SLC25A30: variants seen among roughly 807,000 people sequenced by gnomAD.
SLC25A30 encodes solute carrier family 25 member 30.
In SLC25A30, 29 loss-of-function variants were observed where a neutral mutation model predicts 42.7. The ratio of observed to expected loss-of-function variants is 0.68; its 90% CI spans 0.51 to 0.93. SLC25A30 has a LOEUF of 0.93. Among genes scored for constraint, SLC25A30 ranks in the 40% least tolerant of loss-of-function variants. The probability of loss-of-function intolerance (pLI) is 0.00; values close to 1 mark genes in which losing one functional copy is unlikely to be tolerated. For synonymous variants in SLC25A30, 124 were observed against 131.0 expected (o/e 0.95, Z 0.37); for missense variants, 300 against 359.7 (o/e 0.83, Z 1.34).
At chr13:45,411,764 CAGCGGAAG>C in intron 1 of SLC25A30, 1 of 277,522 alleles carries the variant, frequency 3.6e-6, no homozygotes, top group Non-Finnish European at 7.1e-6. Context: ...CAGTGTAGTG[CAGCGGAAG>C]CTGTTCTCTG....
At chr13:45,431,939 A>G in the SLC25A30 span, among the ~76,000 whole-genome samples, 5 of 151,972 alleles carry the variant, frequency 3.3e-5, no homozygotes, top group African/African-American at 9.7e-5. Flanking sequence ...CTTATCATCA[A>G]TATCCACCCC....
chr13:45,424,664 G>GAAATATATAGAAATATATAT, the SLC25A30 span, among the ~76,000 whole-genome samples: 1 of 50,762 alleles, frequency 2.0e-5, no homozygotes, highest in African/African-American at 7.4e-5. Flanking sequence ...TAAATATATA[G>GAAATATATAGAAATATATAT]AAATATATAT....
In SLC25A30 at chr13:45,400,031, T is replaced by TACACAC. The variant is rs1457320624; in HGVS notation, c.615-954_615-953insGTGTGT. Among the ~76,000 whole-genome samples the TACACAC allele has an allele frequency of 1.1e-3, 134 of 116,960 alleles. 3 individuals carry two copies. In the South Asian group the frequency reaches 0.026, roughly 22 times the overall value. 76.7% of individuals were successfully genotyped at this position (116,960 alleles called of 152,430 possible). A position where few individuals can be genotyped will look rare whatever the true frequency, so the allele number is the denominator to read the frequency against. On this transcript the variant is annotated intron_variant, in intron 7 of 9. Coordinates refer to ENST00000519676, the MANE Select transcript of SLC25A30 (RefSeq NM_001010875.4). Reference sequence around the variant, plus strand: ...ATGTATGATTATATATATATATATATATACACACACACACACACACACACA... The same window carrying TACACAC: ...ATGTATGATTATATATATATATATATACACACATACACACACACACACACACACACA...
rs1566203364 is a variant in SLC25A30 at position 45,401,062 on chromosome 13, TA to T, written c.614+20del. 3 of 1,559,632 alleles carry T rather than the reference TA, an allele frequency of 1.9e-6. No individual in the cohort carries two copies. The highest frequency in any genetic ancestry group is 2.6e-6 in the Non-Finnish European group (3 of 1,156,640). Reference sequence around the variant, plus strand: ...TTTCTTTAGAATTTCTATAATTTTTTAAAAAAAGCCATGAACATACAGGAAG... The same window carrying T: ...TTTCTTTAGAATTTCTATAATTTTTTAAAAAAGCCATGAACATACAGGAAG... On this transcript the variant is annotated intron_variant, in intron 7 of 9. Transcript: ENST00000519676.
At position 45,395,850 on chromosome 13, in the gene SLC25A30, A is replaced by G; in HGVS notation, c.*124T>C. 1 of 1,595,336 alleles carries G rather than the reference A, an allele frequency of 6.3e-7. No individual in the cohort carries two copies. The highest frequency in any genetic ancestry group is 8.5e-7 in the Non-Finnish European group (1 of 1,171,120). ...AGCAATCTCAACTAACCCAGTCTTC[A>G]TCTGTTGCTCACATCCCAGAATCTG... On this transcript the variant is annotated 3_prime_UTR_variant, in exon 10 of 10. Transcript: ENST00000519676.
At position 45,411,392 on chromosome 13, in the gene SLC25A30, C is replaced by G; in HGVS notation, c.34G>C (p.Gly12Arg). ...TCAGCAGTGATGGAGGCCAGCCCCC[C>G]GTACACAAACGGCTTCCAGTTGAGG... The part of the protein sequence containing the change: ...SALNWKPFVY[G>R]GLASITAECG... Residue 12 changes from glycine to arginine, a missense_variant, in exon 2 of 10, where the codon GGG (glycine) becomes CGG (arginine). Gly to Arg is a moderately radical substitution (Grantham distance 125). Coordinates refer to ENST00000519676, the MANE Select transcript of SLC25A30 (RefSeq NM_001010875.4). 7 of 1,614,134 alleles carry G rather than the reference C, an allele frequency of 4.3e-6. No homozygotes were observed. The highest frequency in any genetic ancestry group is 1.7e-5 in the Admixed American group (1 of 60,024).
chr13:45,432,145 C>T, the SLC25A30 span, among the ~76,000 whole-genome samples: 2 of 151,710 alleles, frequency 1.3e-5, no homozygotes, highest in Non-Finnish European at 2.9e-5. Flanking sequence ...TAGTGCGCAC[C>T]TGTAATCCCA....
At chr13:45,427,111 TG>T in the SLC25A30 span, among the ~76,000 whole-genome samples, 1 of 152,084 alleles carries the variant, frequency 6.6e-6, no homozygotes, top group African/African-American at 2.4e-5. Context: ...GATCTGAGAC[TG>T]GGACCCAGGA....
intron 7 of SLC25A30, 42 bp downstream of exon 7, chr13:45,401,041 T>C: frequency 1.3e-6 from 2 of 1,513,944 alleles, no homozygotes; most frequent in Non-Finnish European, 1.8e-6. Flanking sequence ...ATAAACTTTC[T>C]TTAGAATTTC....
the SLC25A30 span, among the ~76,000 whole-genome samples, chr13:45,423,583 A>T: frequency 3.0e-5 from 2 of 66,058 alleles, 1 homozygote; most frequent in South Asian, 8.1e-4. Context: ...ATATAAAAAT[A>T]TATATAAATA....
rs1391284167 is a variant in SLC25A30 at position 45,411,353 on chromosome 13, G to C, written c.64+9C>G. ...CAGGCTACGTGATCCACCACCCTCA[G>C]GTCCTTACCGCACTCAGCAGTGATG... On this transcript the variant is annotated intron_variant, in intron 2 of 9. Transcript: ENST00000519676. The C allele has an allele frequency of 1.2e-6, 2 of 1,608,602 alleles. No individual in the cohort carries two copies. Among genetic ancestry groups the C allele is most frequent in the Admixed American group, 3.3e-5 (2 of 60,016 alleles).
At chr13:45,403,710 G>T (rs1424327957) in intron 5 of SLC25A30, among the ~76,000 whole-genome samples, 14 of 152,082 alleles carry the variant, frequency 9.2e-5, no homozygotes, top group Admixed American at 9.2e-4. Flanking sequence ...GGCCAAGGCG[G>T]GTGGATCATG....
At position 45,394,041 on chromosome 13, in the gene SLC25A30, A is replaced by C; in HGVS notation, c.*1933T>G. On this transcript the variant is annotated 3_prime_UTR_variant, in exon 10 of 10. Coordinates refer to ENST00000519676, the MANE Select transcript of SLC25A30 (RefSeq NM_001010875.4). ...AGCAATCTTTAAACTCAAAGAACTC[A>C]AAAGTGAAAGCCTCTCTATAGAAAG... The C allele has an allele frequency of 1.0e-6, 1 of 985,388 alleles. No homozygotes were observed. The highest frequency in any genetic ancestry group is 1.2e-6 in the Non-Finnish European group (1 of 829,866). The allele number at this position is 985,388 out of a possible 1,614,324, so 61.0% of individuals were successfully genotyped here.
intron 1 of SLC25A30, among the ~76,000 whole-genome samples, chr13:45,416,129 C>T (rs944989072): frequency 4.0e-5 from 6 of 150,250 alleles, no homozygotes; most frequent in Admixed American, 2.0e-4. Context: ...CAAAACAGGC[C>T]GGGCACGGTG....
intron 9 of SLC25A30, 158 bp downstream of exon 9, chr13:45,397,100 C>T: frequency 1.6e-6 from 1 of 624,642 alleles, no homozygotes; most frequent in South Asian, 1.9e-5. Flanking sequence ...AGACTTTACA[C>T]TTCCTAAAAA....
chr13:45,407,827 C>CT (rs1882657434), intron 3 of SLC25A30, among the ~76,000 whole-genome samples: 1 of 152,188 alleles, frequency 6.6e-6, no homozygotes, highest in Non-Finnish European at 1.5e-5. Context: ...TCCTCCTTCC[C>CT]TTCTACCCGC....
At chr13:45,416,650 A>T (rs1431878970) in intron 1 of SLC25A30, among the ~76,000 whole-genome samples, 1 of 152,080 alleles carries the variant, frequency 6.6e-6, no homozygotes, top group East Asian at 1.9e-4. Flanking sequence ...ACGCGACTCT[A>T]GTCCCAGCTA....
chr13:45,401,417 T>C lies in SLC25A30; in HGVS notation c.490-210A>G, dbSNP rs115278496. Among the ~76,000 whole-genome samples the C allele has an allele frequency of 2.7e-3, 406 of 152,350 alleles. 3 individuals are homozygous for C. Among genetic ancestry groups the C allele is most frequent in the African/African-American group, 9.1e-3 (379 of 41,582 alleles). On this transcript the variant is annotated intron_variant, in intron 6 of 9. Transcript: ENST00000519676. ...AATTCTGATGCTGGCATTAACTATA[T>C]GACCTTGGGCCAGACTTTGGCCAGG...
intron 9 of SLC25A30, chr13:45,396,884 C>A: frequency 5.5e-6 from 1 of 182,286 alleles, no homozygotes; most frequent in Non-Finnish European, 1.1e-5. Context: ...TATCTTCAGG[C>A]ACTTTCTAAG....
Sources: gnomAD v4.1 joint callset for allele counts (sites outside exome capture counted in the v4.1 genomes callset) on GRCh38, gnomAD v4.1.1 for gene constraint, MANE v1.5 for transcripts, NCBI Gene and HGNC (gene_info 2026-07-23, HGNC 2026-07-21) for gene names.